RIMS2: variants seen among roughly 807,000 people sequenced by gnomAD.
RIMS2 encodes the protein regulating synaptic membrane exocytosis 2, also known as regulating synaptic membrane exocytosis protein 2.
In RIMS2, 59 loss-of-function variants were observed where a neutral mutation model predicts 174.4. That is an observed-to-expected ratio of 0.34 (90% CI 0.27 to 0.42). The LOEUF (loss-of-function observed/expected upper bound fraction) is 0.42, where lower values mean the gene tolerates loss of function less well. Among genes scored for constraint, RIMS2 ranks in the 10% least tolerant of loss-of-function variants. The pLI is 1.00. For missense variants in RIMS2, 1,620 were observed against 1,666.3 expected (o/e 0.97, Z 0.48); for synonymous variants, 606 against 572.5 (o/e 1.06, Z -0.84).
chr8:103,998,112 T>A, intron 17 of RIMS2: 1 of 1,159,528 alleles, frequency 8.6e-7, no homozygotes, highest in East Asian at 2.4e-5. Context: ...TCTCACTTTT[T>A]AAATTAAACT....
intron 16 of RIMS2, among the ~76,000 whole-genome samples, chr8:103,988,847 G>C (rs2094519570): frequency 1.3e-5 from 2 of 152,074 alleles, no homozygotes; most frequent in South Asian, 4.2e-4. Context: ...TGCAAATTTT[G>C]ACTTGTTCCC....
At chr8:103,655,439 A>G (rs2096517166) in intron 1 of RIMS2, among the ~76,000 whole-genome samples, 1 of 148,840 alleles carries the variant, frequency 6.7e-6, no homozygotes, top group African/African-American at 2.5e-5. Flanking sequence ...TTGTATCTGC[A>G]ATACATAGCA....
intron 12 of RIMS2, among the ~76,000 whole-genome samples, chr8:103,934,098 T>C (rs1012879109): frequency 6.6e-5 from 10 of 152,166 alleles, no homozygotes; most frequent in Non-Finnish European, 1.5e-4. Flanking sequence ...CAAATATATT[T>C]CTTCTTCTAA....
At position 103,758,744 on chromosome 8, in the gene RIMS2, T is replaced by C. The variant is rs1392871022; in HGVS notation, c.388-7483T>C. ...ACAACAGTCTTTCTATTGAAAGACA[T>C]GTCTGCTTTTAGCAGAAGAAAGGTT... On this transcript the variant is annotated intron_variant, in intron 2 of 23. Transcript: ENST00000504942. Among the ~76,000 whole-genome samples the C allele has an allele frequency of 2.6e-5, 4 of 152,356 alleles. No homozygotes were observed. The East Asian group carries it at 7.7e-4, about 29-fold the overall frequency.
chr8:103,975,626 A>G, intron 16 of RIMS2, 120 bp downstream of exon 18: 1 of 657,624 alleles, frequency 1.5e-6, no homozygotes, highest in Admixed American at 3.1e-5. Flanking sequence ...GAATTGGCTC[A>G]TATGATTATA....
Position 103,591,027 on chromosome 8 carries a change from G to T in RIMS2, c.176+89965G>T, listed in dbSNP as rs1305808393. Reference sequence around the variant, plus strand: ...CAAAAAAGGTATTTTATACCTTTTGGGAGTATTTTATACTCCCACCAAAAA... The same window carrying T: ...CAAAAAAGGTATTTTATACCTTTTGTGAGTATTTTATACTCCCACCAAAAA... On this transcript the variant is annotated intron_variant, in intron 1 of 23. Coordinates refer to ENST00000504942, the Ensembl canonical transcript of RIMS2. 3.3e-5 allele frequency among the ~76,000 whole-genome samples: 5 copies of T among 150,188 alleles called. No homozygotes were observed. In the East Asian group the frequency reaches 9.7e-4, roughly 29 times the overall value.
At chr8:103,529,404 G>A (rs1215574207) in intron 1 of RIMS2, among the ~76,000 whole-genome samples, 2 of 152,170 alleles carry the variant, frequency 1.3e-5, no homozygotes, top group East Asian at 1.9e-4. Flanking sequence ...GCGAGGCTCC[G>A]TGGGTGTGGA....
chr8:103,677,419 A>C (rs2096828801), intron 1 of RIMS2, among the ~76,000 whole-genome samples: 1 of 152,162 alleles, frequency 6.6e-6, no homozygotes, highest in Non-Finnish European at 1.5e-5. Context: ...TATCAGATAG[A>C]GTGTGATCTG....
At chr8:104,063,846 C>G (rs1449205190) in intron 19 of RIMS2, among the ~76,000 whole-genome samples, 1 of 152,166 alleles carries the variant, frequency 6.6e-6, no homozygotes, top group Non-Finnish European at 1.5e-5. Context: ...TGAAATTGCT[C>G]TAGGACTCCA....
At chr8:103,814,396 T>A (rs949374665) in intron 3 of RIMS2, among the ~76,000 whole-genome samples, 2 of 151,014 alleles carry the variant, frequency 1.3e-5, no homozygotes, top group Admixed American at 6.6e-5. Flanking sequence ...CATGTACCCC[T>A]AAACTTAAAA....
chr8:103,750,994 C>G (rs1428212708), intron 2 of RIMS2, among the ~76,000 whole-genome samples: 3 of 152,096 alleles, frequency 2.0e-5, no homozygotes, highest in Non-Finnish European at 4.4e-5. Context: ...GAGAATAAGT[C>G]TCAAGAGATC....
intron 19 of RIMS2, among the ~76,000 whole-genome samples, chr8:104,120,972 C>T (rs1242265741): frequency 6.6e-6 from 1 of 152,176 alleles, no homozygotes; most frequent in Non-Finnish European, 1.5e-5. Flanking sequence ...TAACCTCCTT[C>T]TTTCTTTCCT....
At chr8:103,876,056 T>C (rs2099135091) in intron 3 of RIMS2, among the ~76,000 whole-genome samples, 1 of 152,008 alleles carries the variant, frequency 6.6e-6, no homozygotes, top group African/African-American at 2.4e-5. Flanking sequence ...GTTCTCTAGG[T>C]TGTCTATGTG....
intron 1 of RIMS2, among the ~76,000 whole-genome samples, chr8:103,654,523 A>G (rs1384797122): frequency 6.6e-6 from 1 of 151,996 alleles, no homozygotes; most frequent in East Asian, 1.9e-4. Flanking sequence ...TTCAGAATCA[A>G]TAGATTCTCT....
At chr8:104,199,223 G>A (rs184952872) in intron 19 of RIMS2, among the ~76,000 whole-genome samples, 2,476 of 152,008 alleles carry the variant, frequency 0.016, 35 homozygotes, top group Middle Eastern at 0.071. Context: ...CACCACGCCC[G>A]GCTAATTTTT....
chr8:103,819,032 G>T (rs565579356), intron 3 of RIMS2, among the ~76,000 whole-genome samples: 2 of 152,232 alleles, frequency 1.3e-5, no homozygotes, highest in East Asian at 3.9e-4. Flanking sequence ...TTGGGGAAAT[G>T]CATAATTTCT....
intron 9 of RIMS2, 23 bp downstream of exon 12, chr8:103,918,510 G>A: frequency 6.5e-7 from 1 of 1,550,066 alleles, no homozygotes; most frequent in Non-Finnish European, 8.9e-7. Flanking sequence ...TATGCTGGAA[G>A]AAAACGTTAT....
At chr8:103,880,458 T>C in intron 3 of RIMS2, 1 of 367,936 alleles carries the variant, frequency 2.7e-6, no homozygotes, top group Non-Finnish European at 4.8e-6. Context: ...TAGAGGATTC[T>C]ATGACTCCAT....
At chr8:104,090,148 G>A (rs1011655798) in intron 19 of RIMS2, among the ~76,000 whole-genome samples, 1 of 151,612 alleles carries the variant, frequency 6.6e-6, no homozygotes, top group African/African-American at 2.4e-5. Context: ...TTGTCATAGG[G>A]CTGTGTGTGA....
Sources: gnomAD v4.1 joint callset for allele counts (sites outside exome capture counted in the v4.1 genomes callset) on GRCh38, gnomAD v4.1.1 for gene constraint, MANE v1.5 for transcripts, NCBI Gene and HGNC (gene_info 2026-07-23, HGNC 2026-07-21) for gene names.